The following JAK2 variants were observed in gnomAD, a reference collection of about 807,000 sequenced individuals.
JAK2 encodes the protein Janus kinase 2.
In JAK2, 86 loss-of-function variants were observed where a neutral mutation model predicts 139.3. The observed-to-expected ratio is 0.62, with a 90% CI of 0.52 to 0.74. The LOEUF is 0.74. Ranked by LOEUF, JAK2 falls within the 30% of genes least tolerant of loss-of-function variation. The pLI is 0.00. For missense variants in JAK2, 1,421 were observed against 1,360.3 expected, an observed-to-expected ratio of 1.04 and a Z score of -0.70; for synonymous variants, 490 against 437.7, an observed-to-expected ratio of 1.12 and a Z score of -1.49.
intron 22 of JAK2, among the ~76,000 whole-genome samples, chr9:5,118,471 G>A (rs1249237650): frequency 6.6e-6 from 1 of 152,144 alleles, no homozygotes; most frequent in African/African-American, 2.4e-5. Context: ...TATCATTGAA[G>A]TTACTAGGAT....
chr9:5,112,664 C>A, intron 22 of JAK2: 1 of 957,924 alleles, frequency 1.0e-6, no homozygotes, highest in East Asian at 2.9e-5. Context: ...CCTTATCCTG[C>A]ACCAGGCCGT....
intron 3 of JAK2, among the ~76,000 whole-genome samples, chr9:5,027,928 A>G (rs1322080557): frequency 6.6e-6 from 1 of 152,216 alleles, no homozygotes; most frequent in Non-Finnish European, 1.5e-5. Context: ...CCTTCACTGA[A>G]GATTAAATCC....
At chr9:5,050,285 T>A (rs962596901) in intron 5 of JAK2, among the ~76,000 whole-genome samples, 3 of 152,328 alleles carry the variant, frequency 2.0e-5, no homozygotes, top group Admixed American at 6.5e-5. Flanking sequence ...GAGGAATTTA[T>A]GCCATTTATT....
chr9:5,064,492 T>A (rs1818428839), intron 8 of JAK2, among the ~76,000 whole-genome samples: 1 of 149,040 alleles, frequency 6.7e-6, no homozygotes, highest in Admixed American at 6.7e-5. Context: ...ATTGTGCCAG[T>A]GCACTTCAGC....
chr9:5,044,082 G>T (rs575839850), intron 4 of JAK2, among the ~76,000 whole-genome samples: 1 of 152,270 alleles, frequency 6.6e-6, no homozygotes, highest in Admixed American at 6.5e-5. Context: ...AGCATTTTCA[G>T]ATTCCCTACT....
chr9:4,997,742 A>G (rs1388596442), intron 2 of JAK2, among the ~76,000 whole-genome samples: 2 of 152,202 alleles, frequency 1.3e-5, no homozygotes, highest in African/African-American at 4.8e-5. Flanking sequence ...TTAGGAGTGG[A>G]TTTTAGGACT....
intron 2 of JAK2, among the ~76,000 whole-genome samples, chr9:4,991,232 A>G (rs980118362): frequency 5.3e-5 from 8 of 152,210 alleles, no homozygotes; most frequent in African/African-American, 1.4e-4. Context: ...GCTTTTCTGT[A>G]TAGTTACAAA....
intron 15 of JAK2, 124 bp downstream of exon 15, chr9:5,077,704 G>A (rs943488721): frequency 1.9e-6 from 1 of 521,482 alleles, no homozygotes; most frequent in Non-Finnish European, 3.1e-6. Context: ...AAAATAGTCT[G>A]TGTTAGGTGA....
intron 8 of JAK2, among the ~76,000 whole-genome samples, chr9:5,063,270 A>C (rs1818315223): frequency 6.6e-6 from 1 of 152,032 alleles, no homozygotes; most frequent in African/African-American, 2.4e-5. Flanking sequence ...CTTTATTTTC[A>C]TTTTCTACAA....
At chr9:5,086,871 C>G (rs942209982) in intron 19 of JAK2, among the ~76,000 whole-genome samples, 1 of 152,158 alleles carries the variant, frequency 6.6e-6, no homozygotes, top group African/African-American at 2.4e-5. Flanking sequence ...TTGTATCAAG[C>G]GCGTTTAAAT....
At chr9:5,055,632 T>C (rs377018794) in intron 7 of JAK2, 37 bp from the exon 8 acceptor site, 259 of 1,484,848 alleles carry the variant, frequency 1.7e-4, no homozygotes, top group Middle Eastern at 6.2e-4. Context: ...CTCTGTAAAT[T>C]CTACCCGTTT....
chr9:5,002,853 T>G (rs1453706323), intron 2 of JAK2, among the ~76,000 whole-genome samples: 1 of 152,042 alleles, frequency 6.6e-6, no homozygotes, highest in African/African-American at 2.4e-5. Context: ...TGTTTTTATG[T>G]TCTGCTTACA....
At chr9:5,070,584 T>G (rs1426308318) in intron 12 of JAK2, among the ~76,000 whole-genome samples, 1 of 151,968 alleles carries the variant, frequency 6.6e-6, no homozygotes, top group African/African-American at 2.4e-5. Flanking sequence ...TTTTTTAAAA[T>G]TATTTATTTA....
In JAK2 at chr9:5,078,334, T is replaced by G. The variant is rs923941004; in HGVS notation, c.2021T>G (p.Val674Gly). The change falls in exon 16 of 25, where the codon GTA becomes GGA. Residue 674 changes from valine (V) to glycine (G), a missense_variant. Coordinates refer to ENST00000381652, the MANE Select transcript of JAK2 (RefSeq NM_004972.4). ...GAAAACACCCTTATTCATGGGAATG[T>G]ATGTGCCAAAAATATTCTGCTTATC... ...LEENTLIHGN[V>G]CAKNILLIRE... 1 of 1,612,634 alleles carries G rather than the reference T, an allele frequency of 6.2e-7. No homozygotes were observed. The highest frequency in any genetic ancestry group is 8.5e-7 in the Non-Finnish European group (1 of 1,178,940).
At chr9:5,092,952 C>G (rs748492308) in intron 22 of JAK2, among the ~76,000 whole-genome samples, 3 of 152,162 alleles carry the variant, frequency 2.0e-5, no homozygotes, top group African/African-American at 7.2e-5. Context: ...AAAATAACAT[C>G]GCCATAGTTG....
At chr9:5,037,818 G>C (rs974540197) in intron 4 of JAK2, among the ~76,000 whole-genome samples, 1 of 152,122 alleles carries the variant, frequency 6.6e-6, no homozygotes, top group Admixed American at 6.5e-5. Context: ...TAACTAACCT[G>C]CATGTTGTGC....
At chr9:5,117,507 T>C (rs929410470) in intron 22 of JAK2, among the ~76,000 whole-genome samples, 1 of 152,196 alleles carries the variant, frequency 6.6e-6, no homozygotes, top group African/African-American at 2.4e-5. Flanking sequence ...TTCATAAGTA[T>C]AGTTTTCCAG....
chr9:5,073,807 C>A (rs757044803), intron 14 of JAK2, 22 bp downstream of exon 14: 3 of 1,423,248 alleles, frequency 2.1e-6, no homozygotes, highest in Non-Finnish European at 3.0e-6. Flanking sequence ...TACAGGCTTT[C>A]TAATGCCTTT....
intron 19 of JAK2, among the ~76,000 whole-genome samples, chr9:5,088,694 G>C (rs759424276): frequency 2.0e-5 from 3 of 152,196 alleles, no homozygotes; most frequent in Non-Finnish European, 2.9e-5. Flanking sequence ...TGAGATCAAA[G>C]TTCTGGCAGG....
Sources: allele counts gnomAD v4.1 joint callset (sites outside exome capture counted in the v4.1 genomes callset), GRCh38; gene constraint gnomAD v4.1.1; transcripts MANE v1.5; gene names NCBI Gene and HGNC (gene_info 2026-07-23, HGNC 2026-07-21).